Variants in RERG observed in about 807,000 individuals in gnomAD.
RERG encodes ras-related and estrogen-regulated growth inhibitor.
In RERG, 25 loss-of-function variants were observed where a neutral mutation model predicts 23.2. The ratio of observed to expected loss-of-function variants is 1.08; its 90% CI spans 0.79 to 1.50. The LOEUF (loss-of-function observed/expected upper bound fraction) is 1.50. Among genes scored for constraint, RERG ranks in the 40% most tolerant of loss-of-function variants. RERG has a pLI of 0.00. For synonymous variants in RERG, 81 were observed against 89.1 expected (o/e 0.91, Z 0.51); for missense variants, 253 against 250.1 (o/e 1.01, Z -0.08).
intron 2 of RERG, among the ~76,000 whole-genome samples, chr12:15,177,746 T>A (rs1353335111): frequency 6.6e-6 from 1 of 151,810 alleles, no homozygotes; most frequent in African/African-American, 2.4e-5. Context: ...ACCAAAACAT[T>A]GTTTTGACAG....
At chr12:15,212,896 T>C (rs930790152) in intron 2 of RERG, among the ~76,000 whole-genome samples, 3 of 152,168 alleles carry the variant, frequency 2.0e-5, no homozygotes, top group Non-Finnish European at 2.9e-5. Context: ...TTTTAAAAAC[T>C]TCTTTATAAT....
At chr12:15,217,077 G>A (rs1865449643) in intron 2 of RERG, 1 of 180,352 alleles carries the variant, frequency 5.5e-6, no homozygotes, top group Non-Finnish European at 1.2e-5. Flanking sequence ...TGAATGAGAT[G>A]TAAAATCAGT....
At chr12:15,214,885 G>A (rs1331157002) in intron 2 of RERG, among the ~76,000 whole-genome samples, 6 of 152,084 alleles carry the variant, frequency 3.9e-5, no homozygotes, top group African/African-American at 1.2e-4. Context: ...GTTTGTGGTC[G>A]TTTTCACTGA....
At chr12:15,127,075 T>G (rs10846144) in intron 2 of RERG, among the ~76,000 whole-genome samples, 2 of 151,954 alleles carry the variant, frequency 1.3e-5, no homozygotes, top group Non-Finnish European at 2.9e-5. Context: ...TTAAAGTCTT[T>G]CTTGGCCTTT....
At chr12:15,134,311 TCTTTTC>T (rs1864106512) in intron 2 of RERG, among the ~76,000 whole-genome samples, 1 of 152,122 alleles carries the variant, frequency 6.6e-6, no homozygotes, top group Admixed American at 6.5e-5. Context: ...TTTTTCTTTT[TCTTTTC>T]TTCTTTTTGC....
chr12:15,151,810 T>C (rs1864447608), intron 2 of RERG: 1 of 152,236 alleles, frequency 6.6e-6, no homozygotes, highest in Non-Finnish European at 1.5e-5. Context: ...CCTTTTCCTT[T>C]ATAAATCAGG....
At chr12:15,175,299 A>T (rs1484722377) in intron 2 of RERG, among the ~76,000 whole-genome samples, 4 of 149,510 alleles carry the variant, frequency 2.7e-5, no homozygotes, top group African/African-American at 7.5e-5. Context: ...AAATGCCTCC[A>T]AAAATTAAAT....
intron 4 of RERG, among the ~76,000 whole-genome samples, chr12:15,110,188 G>T (rs1863579356): frequency 6.6e-6 from 1 of 152,016 alleles, no homozygotes; most frequent in African/African-American, 2.4e-5. Flanking sequence ...TCATAGCAAA[G>T]TGGCAAGCAT....
chr12:15,158,084 C>T (rs1393344074), intron 2 of RERG, among the ~76,000 whole-genome samples: 1 of 152,034 alleles, frequency 6.6e-6, no homozygotes, highest in Non-Finnish European at 1.5e-5. Flanking sequence ...GTATAATTAT[C>T]AATATCAGAA....
At chr12:15,182,911 C>CA (rs902546557) in intron 2 of RERG, among the ~76,000 whole-genome samples, 5 of 151,542 alleles carry the variant, frequency 3.3e-5, no homozygotes, top group Non-Finnish European at 2.9e-5. Flanking sequence ...CTTGTTTCTA[C>CA]AAAAAAAATT....
intron 2 of RERG, among the ~76,000 whole-genome samples, chr12:15,169,377 T>C (rs1864741932): frequency 6.6e-6 from 1 of 152,222 alleles, no homozygotes; most frequent in African/African-American, 2.4e-5. Flanking sequence ...ACCAATGCAG[T>C]TGGGTATCAT....
chr12:15,119,923 A>T (rs1863800519), intron 3 of RERG, among the ~76,000 whole-genome samples: 1 of 152,174 alleles, frequency 6.6e-6, no homozygotes, highest in Admixed American at 6.5e-5. Context: ...ATGAGGAAAG[A>T]TGTTCTCTAC....
rs1016729777 is a variant in RERG, at chr12:15,221,367, G to A, written c.-287C>T. On this transcript the variant is annotated 5_prime_UTR_variant, in exon 1 of 5. Coordinates refer to ENST00000256953, the MANE Select transcript of RERG (RefSeq NM_032918.3). ...CCGCAGAAGCAAGTGCCAGTGGCCC[G>A]GCGGGGGTCTCCTCACTCGCGCTCG... The A allele has an allele frequency of 1.3e-5, 2 of 152,406 alleles. No homozygotes were observed. The highest frequency in any genetic ancestry group is 4.1e-4 in the South Asian group (2 of 4,834). 9.4% of individuals were successfully genotyped at this position (152,406 alleles called of 1,614,324 possible).
At chr12:15,162,365 C>A (rs1366531708) in intron 2 of RERG, among the ~76,000 whole-genome samples, 1 of 152,098 alleles carries the variant, frequency 6.6e-6, no homozygotes, top group Non-Finnish European at 1.5e-5. Context: ...CAGATAAATC[C>A]TCCAGCTAAG....
chr12:15,176,335 C>CCTT (rs1251165118), intron 2 of RERG, among the ~76,000 whole-genome samples: 2 of 152,084 alleles, frequency 1.3e-5, no homozygotes, highest in Non-Finnish European at 2.9e-5. Flanking sequence ...TCTTTCAGCA[C>CCTT]CTTCTTCATA....
intron 2 of RERG, among the ~76,000 whole-genome samples, chr12:15,144,355 C>G (rs1336651674): frequency 6.6e-6 from 1 of 152,020 alleles, no homozygotes; most frequent in African/African-American, 2.4e-5. Context: ...TATAAAGATG[C>G]TATTTAAAGC....
intron 2 of RERG, among the ~76,000 whole-genome samples, chr12:15,185,681 G>A (rs917179654): frequency 5.9e-5 from 9 of 152,054 alleles, no homozygotes; most frequent in Non-Finnish European, 8.8e-5. Context: ...GGGTCTACTA[G>A]AGGGGGAAAG....
At chr12:15,201,820 T>A (rs1230772323) in intron 2 of RERG, among the ~76,000 whole-genome samples, 2 of 151,682 alleles carry the variant, frequency 1.3e-5, no homozygotes, top group Non-Finnish European at 3.0e-5. Context: ...TAATATAAGA[T>A]GGCTGTTTTC....
At chr12:15,203,426 C>G (rs1001612232) in intron 2 of RERG, among the ~76,000 whole-genome samples, 14 of 151,566 alleles carry the variant, frequency 9.2e-5, no homozygotes, top group African/African-American at 3.4e-4. Context: ...GAATGTGCCT[C>G]AGTGTAATAC....
Sources: gnomAD v4.1 joint callset for allele counts (sites outside exome capture counted in the v4.1 genomes callset) on GRCh38, gnomAD v4.1.1 for gene constraint, MANE v1.5 for transcripts, NCBI Gene and HGNC (gene_info 2026-07-23, HGNC 2026-07-21) for gene names.